SSH2: variants seen among roughly 807,000 people sequenced by gnomAD.
The protein encoded by SSH2 is slingshot protein phosphatase 2.
Under a neutral mutation model 135.2 loss-of-function variants are expected in SSH2, and 37 were observed. The ratio of observed to expected loss-of-function variants is 0.27; its 90% CI spans 0.21 to 0.36. SSH2 has a LOEUF of 0.36. SSH2 is among the 10% of genes least tolerant of loss of function. The pLI, the probability that SSH2 is intolerant of heterozygous loss-of-function variation, is 1.00. For synonymous variants in SSH2, 628 were observed against 646.2 expected (o/e 0.97, Z 0.43); for missense variants, 1,408 against 1,765.3 (o/e 0.80, Z 3.63).
intron 2 of SSH2, among the ~76,000 whole-genome samples, chr17:29,830,045 TA>T (rs1467192696): frequency 5.3e-5 from 8 of 152,172 alleles, no homozygotes; most frequent in African/African-American, 1.9e-4. Context: ...TTCACTGTGT[TA>T]GCCAGGATGG....
chr17:29,691,967 T>A (rs2151096057), intron 5 of SSH2, among the ~76,000 whole-genome samples: 1 of 151,178 alleles, frequency 6.6e-6, no homozygotes, highest in South Asian at 2.1e-4. Flanking sequence ...GGTGAAAGCC[T>A]GTCTCTACTA....
intron 1 of SSH2, among the ~76,000 whole-genome samples, chr17:29,883,825 C>A (rs1391041714): frequency 1.3e-5 from 2 of 152,104 alleles, no homozygotes; most frequent in African/African-American, 4.8e-5. Context: ...TGGTTCATTT[C>A]CTTTAGCACA....
At chr17:29,803,911 A>G (rs1287685585) in intron 2 of SSH2, among the ~76,000 whole-genome samples, 1 of 152,220 alleles carries the variant, frequency 6.6e-6, no homozygotes, top group African/African-American at 2.4e-5. Flanking sequence ...ACCTGCAAGC[A>G]TGGCAGTAAA....
chr17:29,913,350 ATATATATAT>A (rs1567650020), intron 1 of SSH2, among the ~76,000 whole-genome samples: 24 of 30,874 alleles, frequency 7.8e-4, no homozygotes, highest in African/African-American at 2.7e-3. Context: ...AAAAAAAAAT[ATATATATAT>A]ATATATATAT....
chr17:29,742,716 C>A (rs2040610068), intron 3 of SSH2, among the ~76,000 whole-genome samples: 1 of 151,888 alleles, frequency 6.6e-6, no homozygotes, highest in Admixed American at 6.6e-5. Context: ...CTCACTGCAA[C>A]CTCCGCCTCC....
intron 2 of SSH2, among the ~76,000 whole-genome samples, chr17:29,825,058 G>A (rs773917564): frequency 6.6e-6 from 1 of 152,112 alleles, no homozygotes; most frequent in Non-Finnish European, 1.5e-5. Flanking sequence ...ATAATTTGAT[G>A]CCCTGAATCC....
At chr17:29,649,275 C>T (rs944195057) in intron 13 of SSH2, among the ~76,000 whole-genome samples, 5 of 152,144 alleles carry the variant, frequency 3.3e-5, no homozygotes, top group African/African-American at 7.2e-5. Context: ...GTGCCCCGTA[C>T]GTCTCTCCCT....
At chr17:29,828,608 T>C (rs1567999174) in intron 2 of SSH2, among the ~76,000 whole-genome samples, 1 of 152,240 alleles carries the variant, frequency 6.6e-6, no homozygotes, top group East Asian at 1.9e-4. Context: ...AAGATCCCAG[T>C]TTCCAGGCCT....
At chr17:29,656,389 G>A (rs2036781243) in intron 11 of SSH2, among the ~76,000 whole-genome samples, 1 of 152,076 alleles carries the variant, frequency 6.6e-6, no homozygotes, top group Non-Finnish European at 1.5e-5. Flanking sequence ...TGCTGGTCAT[G>A]CTGGTCTCAA....
rs557542995 is a variant in SSH2, at chr17:29,631,332, C to T, written c.3862G>A (p.Ala1288Thr). The change falls in exon 16 of 16, where the codon GCC becomes ACC. Residue 1288 changes from alanine to threonine, a missense_variant. Around this residue, in one of 3 missense-constraint regions of SSH2, gnomAD observed 1,080 missense variants for 1,144.5 expected, o/e 0.94. Coordinates refer to ENST00000540801, the MANE Select transcript of SSH2 (RefSeq NM_001282129.2). ...PSQMRRSASL[A>T]KLGYLDLCKD... ...CAGAGGTCCAAGTAACCTAATTTGG[C>T]GAGAGAAGCTGAGCGCCTCATTTGG... 29 of 1,613,964 alleles carry T rather than the reference C, an allele frequency of 1.8e-5. No homozygotes were observed. Among genetic ancestry groups the T allele is most frequent in the African/African-American group, 5.3e-5 (4 of 74,874 alleles).
chr17:29,810,775 C>G (rs1255943614), intron 2 of SSH2, among the ~76,000 whole-genome samples: 20 of 152,142 alleles, frequency 1.3e-4, no homozygotes. Flanking sequence ...TTTGAGTGCA[C>G]AATTTCACCC....
chr17:29,773,008 A>G (rs1310634227), intron 3 of SSH2, among the ~76,000 whole-genome samples: 3 of 149,094 alleles, frequency 2.0e-5, no homozygotes, highest in Admixed American at 6.7e-5. Context: ...GCATGAGCCA[A>G]TTCCCCATCT....
intron 2 of SSH2, among the ~76,000 whole-genome samples, chr17:29,806,131 C>T (rs148641222): frequency 6.6e-6 from 1 of 152,034 alleles, no homozygotes; most frequent in African/African-American, 2.4e-5. Context: ...AGACAGCATG[C>T]GGCACCCATC....
intron 9 of SSH2, among the ~76,000 whole-genome samples, chr17:29,669,921 G>A (rs556358359): frequency 5.1e-4 from 71 of 139,450 alleles, no homozygotes; most frequent in Admixed American, 2.0e-3. Flanking sequence ...TCCCTCTGTC[G>A]CCCAGGCTGG....
chr17:29,893,771 G>A (rs1271623526), intron 1 of SSH2, among the ~76,000 whole-genome samples: 2 of 152,036 alleles, frequency 1.3e-5, no homozygotes, highest in Non-Finnish European at 2.9e-5. Flanking sequence ...TCAATATACT[G>A]AGGTGTATTG....
At chr17:29,819,713 T>C (rs1431236679) in intron 2 of SSH2, among the ~76,000 whole-genome samples, 2 of 152,234 alleles carry the variant, frequency 1.3e-5, no homozygotes, top group Non-Finnish European at 2.9e-5. Context: ...CTGCTTTTTA[T>C]AAAGTGATAA....
At chr17:29,832,410 G>C (rs2042863259) in intron 2 of SSH2, among the ~76,000 whole-genome samples, 1 of 152,216 alleles carries the variant, frequency 6.6e-6, no homozygotes, top group Non-Finnish European at 1.5e-5. Context: ...GGGATTATAG[G>C]CGTGAGCCTG....
At position 29,677,885 on chromosome 17, in the gene SSH2, T is replaced by A. The variant is rs1388564745; in HGVS notation, c.480-144A>T. 1.8e-5 allele frequency: 11 copies of A among 624,720 alleles called. No individual in the cohort carries two copies. In the Admixed American group the frequency reaches 2.9e-4, roughly 17 times the overall value. 38.7% of individuals were successfully genotyped at this position (624,720 alleles called of 1,614,324 possible). On this transcript the variant is annotated intron_variant, in intron 6 of 15. Coordinates refer to ENST00000540801, the MANE Select transcript of SSH2 (RefSeq NM_001282129.2). ...TTACAATGAAGAAATTTCTATCATA[T>A]TATTATTAATCTTATGTATGTCCTC...
chr17:29,807,340 C>A (rs543323649), intron 2 of SSH2, among the ~76,000 whole-genome samples: 2 of 152,038 alleles, frequency 1.3e-5, no homozygotes, highest in African/African-American at 4.8e-5. Context: ...ATTGTTACTA[C>A]GTTAATATTT....
Sources: allele counts gnomAD v4.1 joint callset (sites outside exome capture counted in the v4.1 genomes callset), GRCh38; gene constraint gnomAD v4.1.1; regional missense constraint gnomAD v4.1.1; transcripts MANE v1.5; gene names NCBI Gene and HGNC (gene_info 2026-07-23, HGNC 2026-07-21).